Variants in DIS3L2 observed in about 807,000 individuals in gnomAD.
The protein encoded by DIS3L2 is DIS3-like exonuclease 2.
In DIS3L2, 34 loss-of-function variants were observed where a neutral mutation model predicts 97.5. The observed-to-expected ratio is 0.35, with a 90% CI of 0.27 to 0.46. The LOEUF (loss-of-function observed/expected upper bound fraction) is 0.46. Among genes scored for constraint, DIS3L2 ranks in the 20% least tolerant of loss-of-function variants. The probability of loss-of-function intolerance (pLI) is 1.00; values close to 1 mark genes in which losing one functional copy is unlikely to be tolerated. For missense variants in DIS3L2, 1,038 were observed against 1,146.0 expected, an observed-to-expected ratio of 0.91 and a Z score of 1.36; for synonymous variants, 435 against 445.2, an observed-to-expected ratio of 0.98 and a Z score of 0.29.
At chr2:232,004,878 G>C (rs1694008787) in intron 1 of DIS3L2, among the ~76,000 whole-genome samples, 1 of 151,976 alleles carries the variant, frequency 6.6e-6, no homozygotes, top group Admixed American at 6.6e-5. Context: ...CACTACACCT[G>C]GTCTAAAATT....
At chr2:232,105,689 C>G (rs1184511226) in intron 6 of DIS3L2, among the ~76,000 whole-genome samples, 1 of 152,222 alleles carries the variant, frequency 6.6e-6, no homozygotes, top group Non-Finnish European at 1.5e-5. Context: ...ATCAGCCTTG[C>G]TAACACTTTT....
chr2:232,055,342 A>G (rs1695518982), intron 5 of DIS3L2, among the ~76,000 whole-genome samples: 1 of 152,248 alleles, frequency 6.6e-6, no homozygotes, highest in African/African-American at 2.4e-5. Flanking sequence ...AAAGGCTGCT[A>G]CATACAAAGT....
At chr2:232,097,363 C>T (rs1697051678) in intron 6 of DIS3L2, among the ~76,000 whole-genome samples, 1 of 152,140 alleles carries the variant, frequency 6.6e-6, no homozygotes, top group African/African-American at 2.4e-5. Context: ...TGGATCAGAC[C>T]TGAAGCCAGC....
At chr2:232,194,961 AT>A (rs1191740454) in intron 9 of DIS3L2, among the ~76,000 whole-genome samples, 3 of 152,150 alleles carry the variant, frequency 2.0e-5, no homozygotes, top group African/African-American at 7.2e-5. Flanking sequence ...TTATGAGCAT[AT>A]TTTTGACCTA....
intron 8 of DIS3L2, among the ~76,000 whole-genome samples, chr2:232,147,219 C>T (rs1349227034): frequency 6.6e-6 from 1 of 152,140 alleles, no homozygotes; most frequent in African/African-American, 2.4e-5. Flanking sequence ...GATCCTCCCA[C>T]CTCAGCCTCC....
chr2:232,276,346 C>T lies in DIS3L2; in HGVS notation c.1659+12906C>T, dbSNP rs1235756057. On this transcript the variant is annotated intron_variant, in intron 13 of 20. Coordinates refer to ENST00000325385, the MANE Select transcript of DIS3L2 (RefSeq NM_152383.5). The surrounding 1 kb of genome is among the most constrained non-coding windows in gnomAD (Gnocchi z 4.4). ...TCCCCTTTCATTCTCCTGCCTGCCA[C>T]CTGCCAGCCAAGCTCTCAGGCTTAC... is the stretch of plus-strand genomic sequence containing the variant. Among the ~76,000 whole-genome samples, 1 of 152,252 alleles carries T rather than the reference C, an allele frequency of 6.6e-6. No homozygotes were observed. The highest frequency in any genetic ancestry group is 2.4e-5 in the African/African-American group (1 of 41,468).
At chr2:232,156,086 G>A (rs771509058) in intron 8 of DIS3L2, among the ~76,000 whole-genome samples, 3 of 151,842 alleles carry the variant, frequency 2.0e-5, no homozygotes, top group Non-Finnish European at 4.4e-5. Context: ...GGAACTCCTT[G>A]GTCTGCCTTT....
intron 9 of DIS3L2, among the ~76,000 whole-genome samples, chr2:232,209,760 G>A (rs1404110126): frequency 2.0e-5 from 3 of 152,294 alleles, no homozygotes; most frequent in Admixed American, 6.5e-5. Flanking sequence ...TGTGATGTTC[G>A]TAAGGATATT....
At chr2:232,262,627 C>A (rs145969014) in intron 12 of DIS3L2, among the ~76,000 whole-genome samples, 2 of 152,232 alleles carry the variant, frequency 1.3e-5, no homozygotes, top group Non-Finnish European at 2.9e-5. Flanking sequence ...CCCTGGCCAA[C>A]AAGGAATTAT....
At chr2:232,311,850 C>T (rs1281966247) in intron 14 of DIS3L2, among the ~76,000 whole-genome samples, 1 of 152,038 alleles carries the variant, frequency 6.6e-6, no homozygotes. Context: ...GTATTGTTTC[C>T]ATTTTGGGGT....
At chr2:232,233,973 C>T (rs960956596) in intron 10 of DIS3L2, among the ~76,000 whole-genome samples, 14 of 152,188 alleles carry the variant, frequency 9.2e-5, no homozygotes, top group Non-Finnish European at 1.6e-4. Flanking sequence ...TGGAAAGAGT[C>T]TCTGCCAGGA....
At chr2:232,224,964 C>T (rs942065488) in intron 10 of DIS3L2, among the ~76,000 whole-genome samples, 3 of 152,004 alleles carry the variant, frequency 2.0e-5, no homozygotes, top group Admixed American at 6.6e-5. Flanking sequence ...TGAAGAGGCA[C>T]TTCATAAAAG....
chr2:232,336,410 G>A lies in DIS3L2; in HGVS notation c.2497-59G>A, dbSNP rs1321121858. The A allele has an allele frequency of 7.0e-6, 11 of 1,564,008 alleles. No individual in the cohort carries two copies. The Admixed American group carries it at 1.9e-4, about 27-fold the overall frequency. On this transcript the variant is annotated intron_variant, in intron 20 of 20. Coordinates refer to ENST00000325385, the MANE Select transcript of DIS3L2 (RefSeq NM_152383.5). ...GTCCTGCTGCAGGGATGGAGGCAGAGCTGCGCCTCGACATCAGGCCCTGCC... is the reference window on the plus strand; with the variant it reads ...GTCCTGCTGCAGGGATGGAGGCAGAACTGCGCCTCGACATCAGGCCCTGCC...
At chr2:232,079,322 C>T (rs899799891) in intron 5 of DIS3L2, among the ~76,000 whole-genome samples, 4 of 151,914 alleles carry the variant, frequency 2.6e-5, no homozygotes, top group Middle Eastern at 3.2e-3. Context: ...TAAGGCCAGG[C>T]GCAGTGGCTC....
chr2:232,090,050 C>G (rs1003370998), intron 6 of DIS3L2, among the ~76,000 whole-genome samples: 4 of 152,132 alleles, frequency 2.6e-5, no homozygotes, highest in African/African-American at 9.7e-5. Flanking sequence ...CTGCCTCAGC[C>G]TCCTGAGTAG....
chr2:232,207,653 C>G (rs1203106814), intron 9 of DIS3L2, among the ~76,000 whole-genome samples: 1 of 152,180 alleles, frequency 6.6e-6, no homozygotes, highest in African/African-American at 2.4e-5. Flanking sequence ...GGGATCTGCA[C>G]TCTAAATGCT....
At chr2:232,213,661 G>GTTTTTTTTTTTTTT (rs67846645) in intron 10 of DIS3L2, among the ~76,000 whole-genome samples, 1 of 80,740 alleles carries the variant, frequency 1.2e-5, no homozygotes, top group Non-Finnish European at 2.3e-5. Context: ...ATCATCTGTA[G>GTTTTTTTTTTTTTT]TTTTTTTTTT....
intron 1 of DIS3L2, among the ~76,000 whole-genome samples, chr2:231,965,894 C>A (rs553549584): frequency 2.8e-4 from 43 of 152,318 alleles, no homozygotes; most frequent in Non-Finnish European, 5.1e-4. Flanking sequence ...TCACGGCTTA[C>A]TGTGGCCTCG....
chr2:232,064,913 T>C (rs1695811473), intron 5 of DIS3L2, among the ~76,000 whole-genome samples: 1 of 152,170 alleles, frequency 6.6e-6, no homozygotes, highest in African/African-American at 2.4e-5. Flanking sequence ...GAGTTCTTTA[T>C]ATAATGTGGA....
Sources: gnomAD v4.1 joint callset for allele counts (sites outside exome capture counted in the v4.1 genomes callset) on GRCh38, gnomAD v4.1.1 for gene constraint, Gnocchi (gnomAD v3.1) non-coding constraint, MANE v1.5 for transcripts, NCBI Gene and HGNC (gene_info 2026-07-23, HGNC 2026-07-21) for gene names.